Variants in IL1RAPL2 observed in about 807,000 individuals in gnomAD.
IL1RAPL2 encodes interleukin 1 receptor accessory protein like 2, also known as X-linked interleukin-1 receptor accessory protein-like 2.
Under a neutral mutation model 44.1 loss-of-function variants are expected in IL1RAPL2, and 3 were observed. The observed-to-expected ratio is 0.07, with a 90% confidence interval of 0.03 to 0.18. The LOEUF is 0.18. Ranked by LOEUF, IL1RAPL2 falls within the 10% of genes least tolerant of loss-of-function variation. The pLI is 1.00. For missense variants in IL1RAPL2, 391 were observed against 496.4 expected (o/e 0.79, Z 2.02); for synonymous variants, 181 against 178.8 (o/e 1.01, Z -0.10).
intron 1 of IL1RAPL2, among the ~76,000 whole-genome samples, chrX:104,577,659 G>C (rs1045241710): frequency 9.0e-6 from 1 of 111,084 alleles, no homozygotes; most frequent in Non-Finnish European, 1.9e-5. Context: ...GAGGTGGGAA[G>C]AAAGCACAAG....
intron 6 of IL1RAPL2, among the ~76,000 whole-genome samples, chrX:105,592,685 T>C (rs1019153895): frequency 7.9e-4 from 88 of 111,938 alleles, no homozygotes; most frequent in African/African-American, 2.7e-3. Flanking sequence ...TCTTCACTTA[T>C]GAAGTTTAGT....
At chrX:104,642,332 A>T (rs1929950346) in intron 1 of IL1RAPL2, among the ~76,000 whole-genome samples, 1 of 112,086 alleles carries the variant, frequency 8.9e-6, no homozygotes, top group Non-Finnish European at 1.9e-5. Context: ...CTCCTCCCTT[A>T]ATTGTTAATG....
At chrX:105,227,109 G>A (rs964946537) in intron 3 of IL1RAPL2, among the ~76,000 whole-genome samples, 11 of 105,408 alleles carry the variant, frequency 1.0e-4, no homozygotes, top group Middle Eastern at 4.7e-3. Flanking sequence ...TTTAGGAGAT[G>A]TACCTAATGC....
chrX:104,877,631 A>G (rs1389865229), intron 2 of IL1RAPL2, among the ~76,000 whole-genome samples: 1 of 112,348 alleles, frequency 8.9e-6, no homozygotes, highest in African/African-American at 3.2e-5. Flanking sequence ...GTAACTATTC[A>G]AGAGAATGCA....
chrX:105,239,029 A>G (rs1462663047), intron 4 of IL1RAPL2, among the ~76,000 whole-genome samples: 2 of 111,799 alleles, frequency 1.8e-5, no homozygotes, highest in South Asian at 3.8e-4. Context: ...ACCTAGGGTC[A>G]CCAGGAACCA....
chrX:105,042,791 C>T (rs1363699421), intron 2 of IL1RAPL2, among the ~76,000 whole-genome samples: 31 of 107,713 alleles, frequency 2.9e-4, no homozygotes, highest in South Asian at 1.3e-3. Flanking sequence ...ATGTTTATTG[C>T]GGCACTATTC....
chrX:104,854,718 A>G (rs1008770535), intron 2 of IL1RAPL2, among the ~76,000 whole-genome samples: 3 of 111,189 alleles, frequency 2.7e-5, no homozygotes, highest in Non-Finnish European at 3.8e-5. Flanking sequence ...GAAAAATAGA[A>G]TGTTTGAAAA....
At chrX:104,666,704 A>G (rs1262943229) in intron 2 of IL1RAPL2, among the ~76,000 whole-genome samples, 1 of 111,606 alleles carries the variant, frequency 9.0e-6, no homozygotes. Flanking sequence ...ATGTAGGCAC[A>G]TCAGTCTAAA....
At chrX:105,187,884 AT>A (rs1332756185) in intron 2 of IL1RAPL2, among the ~76,000 whole-genome samples, 3 of 112,025 alleles carry the variant, frequency 2.7e-5, no homozygotes, top group African/African-American at 9.7e-5. Flanking sequence ...CTACAAAAAA[AT>A]AATTCATGTG....
At chrX:105,758,341 G>A (rs963670973) in intron 10 of IL1RAPL2, among the ~76,000 whole-genome samples, 2 of 110,177 alleles carry the variant, frequency 1.8e-5, no homozygotes, top group Non-Finnish European at 3.8e-5. Context: ...CTACTCTCAC[G>A]GTATTCCAAC....
At chrX:104,804,588 T>C (rs1323093833) in intron 2 of IL1RAPL2, 1 of 112,150 alleles carries the variant, frequency 8.9e-6, no homozygotes, top group Non-Finnish European at 1.9e-5. Flanking sequence ...CAATAGTCTT[T>C]ATTGTTGTGG....
At chrX:105,455,060 A>T (rs1373021858) in intron 5 of IL1RAPL2, among the ~76,000 whole-genome samples, 2 of 112,085 alleles carry the variant, frequency 1.8e-5, no homozygotes, top group African/African-American at 6.5e-5. Flanking sequence ...CATATATAGG[A>T]AAAAGTACAA....
At chrX:105,147,630 A>C (rs979480065) in intron 2 of IL1RAPL2, among the ~76,000 whole-genome samples, 9 of 111,598 alleles carry the variant, frequency 8.1e-5, no homozygotes, top group African/African-American at 2.9e-4. Context: ...TAATATTTTC[A>C]AGTTTCATCC....
At chrX:105,256,069 G>C (rs890601485) in intron 4 of IL1RAPL2, among the ~76,000 whole-genome samples, 2 of 111,629 alleles carry the variant, frequency 1.8e-5, no homozygotes, top group African/African-American at 6.5e-5. Context: ...TTTTGTTGAG[G>C]ATTTCTGCAT....
intron 2 of IL1RAPL2, among the ~76,000 whole-genome samples, chrX:105,187,484 A>G (rs116419968): frequency 0.024 from 2,672 of 111,623 alleles, 78 homozygotes; most frequent in African/African-American, 0.082. Flanking sequence ...AGGAAAGGGA[A>G]CTCTTGCACA....
intron 1 of IL1RAPL2, among the ~76,000 whole-genome samples, chrX:104,592,919 C>G (rs1485843304): frequency 9.0e-6 from 1 of 111,664 alleles, no homozygotes; most frequent in African/African-American, 3.2e-5. Flanking sequence ...GAAATGTTTT[C>G]TAGCCACTGA....
intron 2 of IL1RAPL2, among the ~76,000 whole-genome samples, chrX:104,899,057 A>C (rs1322867726): frequency 8.9e-6 from 1 of 112,288 alleles, no homozygotes; most frequent in Non-Finnish European, 1.9e-5. Flanking sequence ...GCTTGTCATT[A>C]CACAGGAGGT....
chrX:105,314,527 G>A lies in IL1RAPL2; in HGVS notation c.697+46986G>A, dbSNP rs150907570. ...GCAGATGCACTTTTTTCAATCTGGC[G>A]TTCTCCTTTGACTTACTATATCATT... is the stretch of plus-strand genomic sequence containing the variant. On this transcript the variant is annotated intron_variant, in intron 5 of 10. Coordinates refer to ENST00000372582, the MANE Select transcript of IL1RAPL2 (RefSeq NM_017416.2). Among the ~76,000 whole-genome samples, 741 of 111,789 alleles carry A rather than the reference G, an allele frequency of 6.6e-3. 8 individuals are homozygous for A. The highest frequency in any genetic ancestry group is 0.022 in the African/African-American group (687 of 30,807).
chrX:104,578,546 T>C (rs1928283617), intron 1 of IL1RAPL2, among the ~76,000 whole-genome samples: 1 of 111,334 alleles, frequency 9.0e-6, no homozygotes, highest in South Asian at 3.8e-4. Flanking sequence ...GTAAGGGATC[T>C]GGAAGGGCAC....
Sources: allele counts gnomAD v4.1 joint callset (sites outside exome capture counted in the v4.1 genomes callset), GRCh38; gene constraint gnomAD v4.1.1; transcripts MANE v1.5; gene names NCBI Gene and HGNC (gene_info 2026-07-23, HGNC 2026-07-21).